PDE6A: variants seen among roughly 807,000 people sequenced by gnomAD.
PDE6A encodes phosphodiesterase 6A, also known as rod cGMP-specific 3',5'-cyclic phosphodiesterase subunit alpha.
PDE6A carries 84 observed loss-of-function variants against 106.3 expected under a neutral mutation model. The observed-to-expected ratio is 0.79, with a 90% CI of 0.66 to 0.95. The LOEUF (loss-of-function observed/expected upper bound fraction) is 0.95. Ranked by LOEUF, PDE6A falls within the 40% of genes least tolerant of loss-of-function variation. The probability of loss-of-function intolerance (pLI) is 0.00; values close to 1 mark genes in which losing one functional copy is unlikely to be tolerated. For missense variants in PDE6A, 1,052 were observed against 1,084.9 expected (o/e 0.97, Z 0.43); for synonymous variants, 394 against 386.6 (o/e 1.02, Z -0.23).
intron 4 of PDE6A, among the ~76,000 whole-genome samples, chr5:149,930,047 C>A (rs1224398902): frequency 6.6e-6 from 1 of 152,156 alleles, no homozygotes; most frequent in Non-Finnish European, 1.5e-5. Flanking sequence ...CAGGTGTGAG[C>A]CACTGTGCCA....
chr5:149,863,098 C>T lies in PDE6A; in HGVS notation c.2506+21G>A. 1 of 1,614,040 alleles carries T rather than the reference C, an allele frequency of 6.2e-7. No individual in the cohort carries two copies. Among genetic ancestry groups the T allele is most frequent in the Non-Finnish European group, 8.5e-7 (1 of 1,179,908 alleles). On this transcript the variant is annotated intron_variant, in intron 21 of 21. Transcript: ENST00000255266. This position sits in a 1 kb window ranked among gnomAD's most constrained non-coding sequence, Gnocchi z 4.7. ...TCAGGGAGTGGGGTGGTGGGAGTCC[C>T]TGCTTCCCCCTTCCACAAACCTGAC...
chr5:149,903,158 A>AAC (rs1032451306), intron 8 of PDE6A, among the ~76,000 whole-genome samples: 4 of 148,930 alleles, frequency 2.7e-5, no homozygotes, highest in Admixed American at 6.7e-5. Context: ...AAAAAAAAAA[A>AAC]AAAAAAAAAA....
chr5:149,914,861 C>T, intron 6 of PDE6A, 82 bp downstream of exon 6: 1 of 924,410 alleles, frequency 1.1e-6, no homozygotes, highest in East Asian at 2.4e-5. Flanking sequence ...AAGTGTTGCC[C>T]AATTCCAGAA....
intron 9 of PDE6A, 101 bp from the exon 10 acceptor site, chr5:149,898,607 A>G: frequency 7.8e-7 from 1 of 1,276,612 alleles, no homozygotes; most frequent in Non-Finnish European, 1.1e-6. Context: ...TTTCTCAGCT[A>G]TAAAATGGGT....
rs1267866023 is a variant in PDE6A at position 149,860,848 on chromosome 5, T to C, written c.*47A>G. On this transcript the variant is annotated 3_prime_UTR_variant, in exon 22 of 22. Coordinates refer to ENST00000255266, the MANE Select transcript of PDE6A (RefSeq NM_000440.3). ...GTCTTCCACTGGCTTGAGTCATCTC[T>C]TCCCAGGAAAGGGTGGTGCCGTCCA... 1 of 1,512,002 alleles carries C rather than the reference T, an allele frequency of 6.6e-7. No individual in the cohort carries two copies. Among genetic ancestry groups the C allele is most frequent in the East Asian group, 2.3e-5 (1 of 44,368 alleles). 93.7% of individuals were successfully genotyped at this position (1,512,002 alleles called of 1,614,324 possible). A position where few individuals can be genotyped will look rare whatever the true frequency, so the allele number is the denominator to read the frequency against.
At chr5:149,925,572 T>A (rs1235055850) in intron 4 of PDE6A, among the ~76,000 whole-genome samples, 1 of 151,670 alleles carries the variant, frequency 6.6e-6, no homozygotes, top group Non-Finnish European at 1.5e-5. Flanking sequence ...CTGAGCATGG[T>A]GGCCTGCACT....
At chr5:149,909,400 G>A (rs1252991490) in intron 6 of PDE6A, among the ~76,000 whole-genome samples, 1 of 152,196 alleles carries the variant, frequency 6.6e-6, no homozygotes, top group Non-Finnish European at 1.5e-5. Flanking sequence ...TTGCCTGAAG[G>A]TCAATGCTTC....
At chr5:149,913,256 C>T (rs894171556) in intron 6 of PDE6A, among the ~76,000 whole-genome samples, 1 of 151,916 alleles carries the variant, frequency 6.6e-6, no homozygotes, top group Non-Finnish European at 1.5e-5. Flanking sequence ...GTGGCGTGTG[C>T]CTGTAATCCC....
chr5:149,865,696 G>A (rs997996096), intron 20 of PDE6A, among the ~76,000 whole-genome samples: 2 of 152,218 alleles, frequency 1.3e-5, no homozygotes, highest in Non-Finnish European at 2.9e-5. Flanking sequence ...GTCTTCTCAT[G>A]TGTAACATGG....
chr5:149,918,497 A>G (rs1231002883), intron 5 of PDE6A, among the ~76,000 whole-genome samples: 4 of 152,364 alleles, frequency 2.6e-5, no homozygotes, highest in Admixed American at 6.5e-5. Context: ...GGGGCTGACT[A>G]GGAGGAAGGT....
chr5:149,941,498 T>C (rs1561792857), intron 1 of PDE6A, among the ~76,000 whole-genome samples: 1 of 152,196 alleles, frequency 6.6e-6, no homozygotes, highest in African/African-American at 2.4e-5. Context: ...GAACAGTGGA[T>C]CCTGGAAGAA....
Position 149,944,241 on chromosome 5 carries a change from C to A in PDE6A, c.433G>T (p.Ala145Ser). 1 of 1,613,546 alleles carries A rather than the reference C, an allele frequency of 6.2e-7. No individual in the cohort carries two copies. Among genetic ancestry groups the A allele is most frequent in the Non-Finnish European group, 8.5e-7 (1 of 1,179,886 alleles). The change falls in exon 1 of 22, where the codon GCA becomes TCA. Residue 145 changes from alanine (A) to serine (S), a missense_variant. This residue lies in a region of PDE6A where 913 missense variants were observed against 915.2 expected (regional missense o/e 1.00). Transcript: ENST00000255266. ...PLDMGIVGHVAHSKKIANVPN... is the reference protein window; with the variant it reads ...PLDMGIVGHVSHSKKIANVPN... ...ACGTTAGCAATCTTCTTAGAGTGTG[C>A]GACATGGCCCACGATGCCCATGTCC... is the stretch of plus-strand genomic sequence containing the variant.
intron 12 of PDE6A, 128 bp downstream of exon 12, chr5:149,896,228 T>C: frequency 1.3e-6 from 1 of 757,918 alleles, no homozygotes; most frequent in Non-Finnish European, 2.2e-6. Context: ...GCAACATGAC[T>C]AATTCTTTAA....
rs540074001 is a variant in PDE6A at position 149,909,155 on chromosome 5, C to T, written c.999-1777G>A. Among the ~76,000 whole-genome samples the T allele has an allele frequency of 3.9e-5, 6 of 152,194 alleles. No individual in the cohort carries two copies. In the South Asian group the frequency reaches 1.2e-3, roughly 32 times the overall value. On this transcript the variant is annotated intron_variant, in intron 6 of 21. Coordinates refer to ENST00000255266, the MANE Select transcript of PDE6A (RefSeq NM_000440.3). The stretch of plus-strand genomic sequence containing the variant: ...GGATTATAGGCATGTGCCACCACAC[C>T]TGGCTAGGTTTTTTGTTTTGTTTGA...
At chr5:149,867,041 G>T in intron 19 of PDE6A, 1 of 157,066 alleles carries the variant, frequency 6.4e-6, no homozygotes, top group Admixed American at 6.1e-5. Flanking sequence ...CTCTCTCTCG[G>T]CTCCTGCCTA....
At chr5:149,907,445 G>A in intron 6 of PDE6A, 67 bp from the exon 7 acceptor site, 1 of 1,304,336 alleles carries the variant, frequency 7.7e-7, no homozygotes, top group Middle Eastern at 1.9e-4. Flanking sequence ...ACTAAAATCT[G>A]GGTGTTTGCG....
At chr5:149,933,424 C>T (rs1225524222) in intron 3 of PDE6A, among the ~76,000 whole-genome samples, 7 of 152,336 alleles carry the variant, frequency 4.6e-5, no homozygotes, top group Non-Finnish European at 1.0e-4. Context: ...CATGCCCAGT[C>T]CAATTATCTT....
intron 6 of PDE6A, among the ~76,000 whole-genome samples, chr5:149,914,058 T>C (rs1753474280): frequency 6.6e-6 from 1 of 151,966 alleles, no homozygotes; most frequent in South Asian, 2.1e-4. Context: ...ACCAGAAGAG[T>C]AGCACTGCAG....
chr5:149,903,147 T>TAAAAAAAAAAAA (rs373566897), intron 8 of PDE6A, among the ~76,000 whole-genome samples: 167 of 90,468 alleles, frequency 1.8e-3, no homozygotes, highest in Non-Finnish European at 2.4e-3. Flanking sequence ...AGACCCTCTC[T>TAAAAAAAAAAAA]AAAAAAAAAA....
Sources: gnomAD v4.1 joint callset for allele counts (sites outside exome capture counted in the v4.1 genomes callset) on GRCh38, gnomAD v4.1.1 for gene constraint, gnomAD v4.1.1 regional missense constraint, Gnocchi (gnomAD v3.1) non-coding constraint, MANE v1.5 for transcripts, NCBI Gene and HGNC (gene_info 2026-07-23, HGNC 2026-07-21) for gene names.